Variants in DNAH9 observed in about 807,000 individuals in gnomAD.
The protein encoded by DNAH9 is dynein axonemal heavy chain 9, also known as DNAH9 variant protein.
In DNAH9, 345 loss-of-function variants were observed where a neutral mutation model predicts 471.6. The ratio of observed to expected loss-of-function variants is 0.73; its 90% confidence interval spans 0.67 to 0.80. DNAH9 has a LOEUF of 0.80. DNAH9 is among the 30% of genes least tolerant of loss of function. The probability of loss-of-function intolerance (pLI) is 0.00; values close to 1 mark genes in which losing one functional copy is unlikely to be tolerated. For missense variants in DNAH9, 5,407 were observed against 5,609.2 expected (o/e 0.96, Z 1.15); for synonymous variants, 2,093 against 2,123.6 (o/e 0.99, Z 0.40).
chr17:11,756,372 G>T (rs1368848588), intron 33 of DNAH9, among the ~76,000 whole-genome samples, 196 bp from the exon 34 acceptor site: 1 of 152,026 alleles, frequency 6.6e-6, no homozygotes, highest in Non-Finnish European at 1.5e-5. Context: ...GTCTCCCACT[G>T]GGTCCCTCCC....
At chr17:11,761,826 C>T (rs960450374) in intron 35 of DNAH9, among the ~76,000 whole-genome samples, 4 of 152,128 alleles carry the variant, frequency 2.6e-5, no homozygotes, top group African/African-American at 9.7e-5. Context: ...ACCCAGAGCT[C>T]TCTCTAGTAC....
At chr17:11,912,071 G>A (rs1053970874) in intron 61 of DNAH9, among the ~76,000 whole-genome samples, 3 of 152,230 alleles carry the variant, frequency 2.0e-5, no homozygotes, top group Middle Eastern at 3.4e-3. Flanking sequence ...AGGCTGGAGT[G>A]CAGTGGCACG....
rs1001181897 is a variant in DNAH9, at chr17:11,757,473, A to G, written c.6848-72A>G. The G allele has an allele frequency of 2.2e-6, 3 of 1,377,628 alleles. No homozygotes were observed. The East Asian group carries it at 6.9e-5, about 32-fold the overall frequency. The allele number at this position is 1,377,628 out of a possible 1,614,324, so 85.3% of individuals were successfully genotyped here. A position where few individuals can be genotyped will look rare whatever the true frequency, so the allele number is the denominator to read the frequency against. On this transcript the variant is annotated intron_variant, in intron 34 of 68. Coordinates refer to ENST00000262442, the MANE Select transcript of DNAH9 (RefSeq NM_001372.4). Reference sequence around the variant, plus strand: ...TCTGTACATTTTCCAAACAGAGAAAATAACTCCCTGGGGTGAAAAATATAA... The same window carrying G: ...TCTGTACATTTTCCAAACAGAGAAAGTAACTCCCTGGGGTGAAAAATATAA...
At chr17:11,930,442 C>T (rs1047703966) in intron 63 of DNAH9, among the ~76,000 whole-genome samples, 8 of 152,058 alleles carry the variant, frequency 5.3e-5, no homozygotes, top group African/African-American at 1.7e-4. Context: ...TATCTTCAGG[C>T]AGAGAGATGA....
chr17:11,692,439 G>T (rs2074350686), intron 20 of DNAH9, among the ~76,000 whole-genome samples: 1 of 152,194 alleles, frequency 6.6e-6, no homozygotes, highest in South Asian at 2.1e-4. Context: ...TACTGTGAGT[G>T]TGTATGTCTG....
At chr17:11,660,022 C>A (rs2073727568) in intron 14 of DNAH9, among the ~76,000 whole-genome samples, 1 of 152,078 alleles carries the variant, frequency 6.6e-6, no homozygotes, top group Admixed American at 6.5e-5. Flanking sequence ...GAGATTTTTT[C>A]TTTTTCTTAA....
chr17:11,779,998 C>T (rs73978408), intron 38 of DNAH9, among the ~76,000 whole-genome samples: 11,881 of 152,218 alleles, frequency 0.078, 809 homozygotes, highest in African/African-American at 0.19. Flanking sequence ...AGATGGTTCT[C>T]AGAGCTTCCA....
In DNAH9 at chr17:11,793,628, T is replaced by G; in HGVS notation, c.8187T>G (p.Asp2729Glu). 6.2e-7 allele frequency: 1 copy of G among 1,613,778 alleles called. No individual in the cohort carries two copies. Among genetic ancestry groups the G allele is most frequent in the Non-Finnish European group, 8.5e-7 (1 of 1,179,900 alleles). ...AAGAAAAGGACTTTGATCTTTTTGA[T>G]AAAATCCAGACAGAAGTGCTCAAGA... ...MVEEKDFDLF[D>E]KIQTEVLKKT... The change falls in exon 42 of 69, where the codon GAT becomes GAG. Residue 2729 changes from aspartate to glutamate, a missense_variant. Transcript: ENST00000262442.
At chr17:11,814,014 G>T (rs1277236034) in intron 45 of DNAH9, among the ~76,000 whole-genome samples, 1 of 152,172 alleles carries the variant, frequency 6.6e-6, no homozygotes, top group East Asian at 1.9e-4. Flanking sequence ...CTTGATAGGG[G>T]TCATGCAACT....
At chr17:11,964,540 C>A (rs1418802211) in intron 68 of DNAH9, among the ~76,000 whole-genome samples, 1 of 152,152 alleles carries the variant, frequency 6.6e-6, no homozygotes, top group African/African-American at 2.4e-5. Flanking sequence ...AGAGTCAGGA[C>A]CTCCTAAAAT....
In DNAH9 at chr17:11,690,110, G is replaced by A. The variant is rs539397589; in HGVS notation, c.4288G>A (p.Glu1430Lys). 6.2e-7 allele frequency: 1 copy of A among 1,614,224 alleles called. No individual in the cohort carries two copies. The highest frequency in any genetic ancestry group is 1.7e-5 in the Admixed American group (1 of 60,026). ...GGGCATTGTGGACAAAGCTGCAAAA[G>A]AGATGGGTATGGAGAAAACCTTAAA... is the stretch of plus-strand genomic sequence containing the variant. ...VRGIVDKAAK[E>K]MGMEKTLKEL... is the part of the protein sequence containing the mutation. The change falls in exon 20 of 69, where the codon GAG becomes AAG. Residue 1430 changes from glutamate (E) to lysine (K), a missense_variant. Physicochemically the swap from Glu to Lys is moderately conservative, Grantham distance 56 (BLOSUM62 1). Around this residue, in one of 3 missense-constraint regions of DNAH9, gnomAD observed 4,636 missense variants for 4,900.3 expected, o/e 0.95. Transcript: ENST00000262442.
intron 1 of DNAH9, among the ~76,000 whole-genome samples, chr17:11,604,073 A>G (rs1323789424): frequency 3.3e-5 from 5 of 150,170 alleles, no homozygotes; most frequent in Non-Finnish European, 7.4e-5. Flanking sequence ...CCCAGGCTGG[A>G]GTGCAGTGGC....
chr17:11,627,315 A>C (rs1489088942), intron 6 of DNAH9, among the ~76,000 whole-genome samples: 3 of 152,254 alleles, frequency 2.0e-5, no homozygotes, highest in Admixed American at 2.0e-4. Flanking sequence ...TCCCTAGACC[A>C]TGCTTTAAGT....
chr17:11,654,374 A>AAAAAAAAAAAAAAAAAAG (rs1353333314), intron 14 of DNAH9, among the ~76,000 whole-genome samples: 6 of 57,792 alleles, frequency 1.0e-4, no homozygotes, highest in Non-Finnish European at 1.7e-4. Context: ...AAAAAAAAAA[A>AAAAAAAAAAAAAAAAAAG]AAAAGTTTAA....
chr17:11,640,246 G>A (rs778301150), intron 9 of DNAH9, 24 bp from the exon 10 acceptor site: 50 of 1,482,136 alleles, frequency 3.4e-5, no homozygotes, highest in African/African-American at 7.0e-5. Flanking sequence ...GACTCATTTC[G>A]GTCTGTCTGT....
At chr17:11,949,483 T>TTA (rs1011184024) in intron 67 of DNAH9, among the ~76,000 whole-genome samples, 20 of 135,578 alleles carry the variant, frequency 1.5e-4, no homozygotes, top group Admixed American at 1.3e-3. Flanking sequence ...GCTTGAGACT[T>TTA]TTTTTTTTTT....
intron 68 of DNAH9, among the ~76,000 whole-genome samples, chr17:11,965,043 A>G (rs1468597901): frequency 6.6e-6 from 1 of 152,206 alleles, no homozygotes; most frequent in Non-Finnish European, 1.5e-5. Flanking sequence ...AGTGGTGCAA[A>G]CAGTAGGCTA....
intron 61 of DNAH9, among the ~76,000 whole-genome samples, chr17:11,908,349 C>T (rs2058039): frequency 0.15 from 22,885 of 152,168 alleles, 1,806 homozygotes; most frequent in Middle Eastern, 0.21. Context: ...CAATGAGACA[C>T]ATAGTGAAGT....
At chr17:11,924,739 T>A (rs1202046156) in intron 62 of DNAH9, among the ~76,000 whole-genome samples, 1 of 147,280 alleles carries the variant, frequency 6.8e-6, no homozygotes, top group African/African-American at 2.5e-5. Flanking sequence ...TTCTCCTGCC[T>A]CAGCCTCCTG....
Sources: gnomAD v4.1 joint callset for allele counts (sites outside exome capture counted in the v4.1 genomes callset) on GRCh38, gnomAD v4.1.1 for gene constraint, gnomAD v4.1.1 regional missense constraint, MANE v1.5 for transcripts, NCBI Gene and HGNC (gene_info 2026-07-23, HGNC 2026-07-21) for gene names.